The following EYA3 variants were observed in gnomAD, a reference collection of about 807,000 sequenced individuals.
The protein encoded by EYA3 is EYA transcriptional coactivator and phosphatase 3, also known as protein phosphatase EYA3.
In EYA3, 39 loss-of-function variants were observed where a neutral mutation model predicts 80.0. The observed-to-expected ratio is 0.49, with a 90% CI of 0.38 to 0.64. The LOEUF is 0.64. Among genes scored for constraint, EYA3 ranks in the 30% least tolerant of loss-of-function variants. The probability of loss-of-function intolerance (pLI) is 0.00; values close to 1 mark genes in which losing one functional copy is unlikely to be tolerated. For missense variants in EYA3, 523 were observed against 676.1 expected (o/e 0.77, Z 2.51); for synonymous variants, 206 against 232.8 (o/e 0.88, Z 1.05).
In EYA3 at chr1:28,064,384, A is replaced by C. The variant is rs1163711394; in HGVS notation, c.-68-6290T>G. 2.0e-3 allele frequency among the ~76,000 whole-genome samples: 305 copies of C among 149,784 alleles called. 3 individuals carry two copies. The highest frequency in any genetic ancestry group is 0.019 in the South Asian group (93 of 4,780). ...CCTCTCTCTCTCTCTCTCTCTATAT[A>C]TATATATATAAATATATAGAGCCTG... On this transcript the variant is annotated intron_variant, in intron 1 of 17. Coordinates refer to ENST00000373871, the MANE Select transcript of EYA3 (RefSeq NM_001990.4).
At chr1:28,060,282 G>C (rs1282950679) in intron 1 of EYA3, among the ~76,000 whole-genome samples, 1 of 152,052 alleles carries the variant, frequency 6.6e-6, no homozygotes, top group Non-Finnish European at 1.5e-5. Flanking sequence ...AAACTAATTC[G>C]TTTTAAAAAT....
intron 10 of EYA3, among the ~76,000 whole-genome samples, chr1:28,008,516 G>A (rs1019592612): frequency 2.0e-5 from 3 of 151,736 alleles, no homozygotes; most frequent in East Asian, 1.9e-4. Context: ...GTGAAAAGAC[G>A]ACCTACAGAA....
Position 28,057,975 on chromosome 1 carries a change from T to G in EYA3, c.33+19A>C, listed in dbSNP as rs190819257. The G allele has an allele frequency of 4.6e-6, 7 of 1,516,706 alleles. No homozygotes were observed. In the Admixed American group the frequency reaches 9.0e-5, roughly 20 times the overall value. The allele number at this position is 1,516,706 out of a possible 1,614,324, so 94.0% of individuals were successfully genotyped here. ...AGCTCTTCTACAATCAACTTTAAAC[T>G]GTTAAAGGAAATACTTACTGGTTGC... is the stretch of plus-strand genomic sequence containing the variant. On this transcript the variant is annotated intron_variant, in intron 2 of 17. Transcript: ENST00000373871.
At chr1:28,075,411 G>A (rs1645165827) in intron 1 of EYA3, among the ~76,000 whole-genome samples, 1 of 152,190 alleles carries the variant, frequency 6.6e-6, no homozygotes, top group Non-Finnish European at 1.5e-5. Flanking sequence ...AAGGGGAAAG[G>A]TTGTTTGTAC....
intron 9 of EYA3, among the ~76,000 whole-genome samples, chr1:28,012,397 T>A (rs530151023): frequency 5.3e-5 from 8 of 152,342 alleles, no homozygotes; most frequent in African/African-American, 1.7e-4. Context: ...CTTATTAGAC[T>A]GGTAGGGTGA....
At chr1:27,981,756 CCT>C (rs900557304) in intron 16 of EYA3, among the ~76,000 whole-genome samples, 1 of 145,406 alleles carries the variant, frequency 6.9e-6, no homozygotes, top group Non-Finnish European at 1.5e-5. Flanking sequence ...CTGGTGAGAC[CCT>C]GTCTCAAAAA....
At chr1:28,030,240 A>G (rs1643056248) in intron 6 of EYA3, among the ~76,000 whole-genome samples, 1 of 152,222 alleles carries the variant, frequency 6.6e-6, no homozygotes, top group African/African-American at 2.4e-5. Context: ...ACATTTAGGA[A>G]TAGTAAAGAG....
In EYA3 at chr1:28,003,224, C is replaced by T. The variant is rs373377157; in HGVS notation, c.993+1112G>A. Among the ~76,000 whole-genome samples, 8 of 151,886 alleles carry T rather than the reference C, an allele frequency of 5.3e-5. No homozygotes were observed. The South Asian group carries it at 6.2e-4, about 12-fold the overall frequency. On this transcript the variant is annotated intron_variant, in intron 11 of 17. Coordinates refer to ENST00000373871, the MANE Select transcript of EYA3 (RefSeq NM_001990.4). ...GGCACAGCTTGCAGTGAGCTGAGATCACGCCATTGCACTCCAGCCCAGGTG... is the reference window on the plus strand; with the variant it reads ...GGCACAGCTTGCAGTGAGCTGAGATTACGCCATTGCACTCCAGCCCAGGTG...
At chr1:28,076,473 G>A (rs1645204075) in intron 1 of EYA3, among the ~76,000 whole-genome samples, 1 of 151,922 alleles carries the variant, frequency 6.6e-6, no homozygotes, top group South Asian at 2.1e-4. Context: ...CACTTTGGTA[G>A]GCCGAGGTGG....
chr1:28,062,796 T>C (rs1466141503), intron 1 of EYA3, among the ~76,000 whole-genome samples: 2 of 150,484 alleles, frequency 1.3e-5, no homozygotes, highest in Non-Finnish European at 3.0e-5. Flanking sequence ...AGGTCAGGAG[T>C]TTCAAACTAG....
At chr1:27,980,092 A>G (rs1487287512) in intron 16 of EYA3, among the ~76,000 whole-genome samples, 2 of 152,238 alleles carry the variant, frequency 1.3e-5, no homozygotes, top group African/African-American at 4.8e-5. Flanking sequence ...ATATTTTACA[A>G]TAGAATTGTC....
intron 16 of EYA3, among the ~76,000 whole-genome samples, chr1:27,982,554 A>G (rs1211041607): frequency 6.6e-6 from 1 of 151,416 alleles, no homozygotes; most frequent in Non-Finnish European, 1.5e-5. Context: ...TAGATATTAC[A>G]TACTGTACAT....
chr1:28,001,136 C>T (rs1640810251), intron 11 of EYA3, among the ~76,000 whole-genome samples: 2 of 149,276 alleles, frequency 1.3e-5, no homozygotes, highest in African/African-American at 2.4e-5. Context: ...AAGATATATA[C>T]ATTATATATA....
chr1:27,989,655 A>C, intron 15 of EYA3, 42 bp downstream of exon 15: 1 of 1,303,538 alleles, frequency 7.7e-7, no homozygotes. Flanking sequence ...GTAGAAGAAT[A>C]TGTCGCTGAG....
intron 1 of EYA3, among the ~76,000 whole-genome samples, chr1:28,079,846 T>C (rs894838796): frequency 6.6e-6 from 1 of 151,296 alleles, no homozygotes; most frequent in African/African-American, 2.4e-5. Flanking sequence ...CCCAGGCTAG[T>C]CTTGAACTCC....
chr1:27,988,167 G>A (rs1044442078), intron 16 of EYA3, among the ~76,000 whole-genome samples: 2 of 152,030 alleles, frequency 1.3e-5, no homozygotes, highest in African/African-American at 4.8e-5. Context: ...ATCTTGTCTG[G>A]CCACCATTTT....
intron 16 of EYA3, among the ~76,000 whole-genome samples, chr1:27,987,982 C>T (rs1166462232): frequency 1.3e-5 from 2 of 152,196 alleles, no homozygotes; most frequent in African/African-American, 2.4e-5. Context: ...ACCCTCCCAC[C>T]TTAACCTTCC....
At chr1:28,029,093 A>G (rs1379539435) in intron 6 of EYA3, among the ~76,000 whole-genome samples, 1 of 152,218 alleles carries the variant, frequency 6.6e-6, no homozygotes, top group Non-Finnish European at 1.5e-5. Context: ...CCAAGTCAGA[A>G]CATATAAATC....
intron 1 of EYA3, among the ~76,000 whole-genome samples, chr1:28,068,236 G>A (rs895781768): frequency 6.6e-6 from 1 of 151,522 alleles, no homozygotes; most frequent in African/African-American, 2.4e-5. Flanking sequence ...GGAGGCTGAG[G>A]CAGGAGAATC....
Sources: gnomAD v4.1 joint callset for allele counts (sites outside exome capture counted in the v4.1 genomes callset) on GRCh38, gnomAD v4.1.1 for gene constraint, MANE v1.5 for transcripts, NCBI Gene and HGNC (gene_info 2026-07-23, HGNC 2026-07-21) for gene names.